ZFAND3: variants seen among roughly 807,000 people sequenced by gnomAD.
The protein encoded by ZFAND3 is zinc finger AN1-type containing 3, also known as AN1-type zinc finger protein 3.
A neutral mutation model predicts 29.6 loss-of-function variants in ZFAND3; 10 were observed. That is an observed-to-expected ratio of 0.34 (90% CI 0.21 to 0.57). ZFAND3 has a LOEUF of 0.57. Among genes scored for constraint, ZFAND3 ranks in the 20% least tolerant of loss-of-function variants. ZFAND3 has a pLI of 0.86. For missense variants in ZFAND3, 230 were observed against 304.5 expected, an observed-to-expected ratio of 0.76 and a Z score of 1.82; for synonymous variants, 128 against 112.6, an observed-to-expected ratio of 1.14 and a Z score of -0.87.
chr6:38,042,131 C>T (rs1278552625), intron 2 of ZFAND3, among the ~76,000 whole-genome samples: 1 of 150,980 alleles, frequency 6.6e-6, no homozygotes, highest in Non-Finnish European at 1.5e-5. Context: ...CACTGCCTGG[C>T]CTAATATATA....
intron 1 of ZFAND3, among the ~76,000 whole-genome samples, chr6:37,873,062 T>A (rs544868603): frequency 2.0e-5 from 3 of 152,126 alleles, no homozygotes; most frequent in African/African-American, 7.2e-5. Context: ...ATCGAGACCA[T>A]CTTGGCTAAC....
intron 5 of ZFAND3, chr6:38,142,131 G>A (rs1028931073): frequency 6.5e-6 from 3 of 462,468 alleles, no homozygotes; most frequent in Non-Finnish European, 1.4e-5. Flanking sequence ...TGCTGTGGAA[G>A]CAGGGTTGAA....
chr6:38,101,344 G>A (rs1226803058), intron 4 of ZFAND3, among the ~76,000 whole-genome samples: 1 of 152,114 alleles, frequency 6.6e-6, no homozygotes, highest in Non-Finnish European at 1.5e-5. Flanking sequence ...ACACAACCCT[G>A]TATAAGGAAC....
intron 5 of ZFAND3, among the ~76,000 whole-genome samples, chr6:38,141,507 T>C (rs193143776): frequency 1.3e-3 from 196 of 152,368 alleles, no homozygotes; most frequent in African/African-American, 4.4e-3. Context: ...ATATAGTCTT[T>C]GTATATTTAA....
At chr6:38,041,689 T>C (rs1158772408) in intron 2 of ZFAND3, among the ~76,000 whole-genome samples, 35 of 24,070 alleles carry the variant, frequency 1.5e-3, no homozygotes, top group East Asian at 7.5e-3. Context: ...CTTCTTCTCC[T>C]TCTCCTTCTC....
At chr6:38,119,729 T>TGAG (rs1034914920) in intron 5 of ZFAND3, among the ~76,000 whole-genome samples, 5 of 152,242 alleles carry the variant, frequency 3.3e-5, no homozygotes, top group Non-Finnish European at 7.3e-5. Context: ...ACACTGCCAG[T>TGAG]GAGGCCTTCT....
rs562840566 is a variant in ZFAND3, at chr6:37,875,433, C to T, written c.72-54526C>T. Reference sequence around the variant, plus strand: ...CAATAATGCATTAGTTGTTGCTGTTCTGTTAATTCATTTTTGTGAAGATCT... The same window carrying T: ...CAATAATGCATTAGTTGTTGCTGTTTTGTTAATTCATTTTTGTGAAGATCT... On this transcript the variant is annotated intron_variant, in intron 1 of 5. Transcript: ENST00000287218. Among the ~76,000 whole-genome samples the T allele has an allele frequency of 8.6e-5, 13 of 151,446 alleles. No homozygotes were observed. In the South Asian group the frequency reaches 2.5e-3, roughly 29 times the overall value.
At chr6:37,968,593 G>A (rs945096973) in intron 2 of ZFAND3, among the ~76,000 whole-genome samples, 16 of 152,010 alleles carry the variant, frequency 1.1e-4, no homozygotes, top group African/African-American at 3.9e-4. Context: ...GTGAGAACTG[G>A]GACAGGGAGT....
chr6:38,118,846 T>C (rs915055851), intron 5 of ZFAND3, among the ~76,000 whole-genome samples: 4 of 152,080 alleles, frequency 2.6e-5, no homozygotes, highest in Non-Finnish European at 5.9e-5. Flanking sequence ...CTGGTAAATA[T>C]AGATTACTCT....
At chr6:38,051,409 T>C (rs1480103179) in intron 2 of ZFAND3, among the ~76,000 whole-genome samples, 10 of 152,232 alleles carry the variant, frequency 6.6e-5, no homozygotes, top group African/African-American at 2.4e-4. Flanking sequence ...GAAGTCTTTA[T>C]GGGACATTTA....
At chr6:38,110,704 A>G (rs973999668) in intron 4 of ZFAND3, among the ~76,000 whole-genome samples, 23 of 152,354 alleles carry the variant, frequency 1.5e-4, no homozygotes, top group African/African-American at 5.5e-4. Context: ...CTGAGATTAA[A>G]CAGATTCATC....
intron 2 of ZFAND3, among the ~76,000 whole-genome samples, chr6:37,999,495 A>T (rs1266063775): frequency 1.3e-5 from 2 of 152,196 alleles, no homozygotes; most frequent in African/African-American, 4.8e-5. Context: ...CAGCCAGGTG[A>T]TCAAGATTAA....
chr6:38,057,427 T>G (rs1225142289), intron 2 of ZFAND3, among the ~76,000 whole-genome samples: 1 of 152,226 alleles, frequency 6.6e-6, no homozygotes, highest in Non-Finnish European at 1.5e-5. Flanking sequence ...AATGAAGAGA[T>G]AACTCTTACT....
Position 38,081,637 on chromosome 6 carries a change from T to C in ZFAND3, c.296-755T>C, listed in dbSNP as rs142618051. Among the ~76,000 whole-genome samples the C allele has an allele frequency of 6.4e-3, 971 of 152,256 alleles. 7 individuals carry two copies. The highest frequency in any genetic ancestry group is 0.031 in the South Asian group (148 of 4,820). On this transcript the variant is annotated intron_variant, in intron 3 of 5. Coordinates refer to ENST00000287218, the MANE Select transcript of ZFAND3 (RefSeq NM_021943.3). Reference sequence around the variant, plus strand: ...CCACTGCCCATCCCAGGGCATGTCATTGGGGAGTGTTGGGGTATGTATCAA... The same window carrying C: ...CCACTGCCCATCCCAGGGCATGTCACTGGGGAGTGTTGGGGTATGTATCAA...
At chr6:37,975,299 T>G (rs1248732444) in intron 2 of ZFAND3, among the ~76,000 whole-genome samples, 2 of 152,206 alleles carry the variant, frequency 1.3e-5, no homozygotes, top group Non-Finnish European at 2.9e-5. Context: ...CGTTGAAATT[T>G]TTTTGCCTAT....
intron 2 of ZFAND3, among the ~76,000 whole-genome samples, chr6:38,046,374 A>G (rs1342073291): frequency 1.3e-5 from 2 of 152,220 alleles, no homozygotes; most frequent in Non-Finnish European, 2.9e-5. Context: ...AGAATGGATA[A>G]CTTCTGCCTC....
chr6:37,915,425 A>G (rs1761228854), intron 1 of ZFAND3: 1 of 152,214 alleles, frequency 6.6e-6, no homozygotes, highest in Non-Finnish European at 1.5e-5. Context: ...GGCTTTCAAC[A>G]TGCCTTTCTC....
intron 5 of ZFAND3, among the ~76,000 whole-genome samples, chr6:38,139,636 G>A (rs1209870022): frequency 1.3e-5 from 2 of 152,322 alleles, no homozygotes; most frequent in Middle Eastern, 3.4e-3. Context: ...TCGTGCTTCA[G>A]TGGGGAAATT....
chr6:37,988,858 C>T (rs1356630055), intron 2 of ZFAND3, among the ~76,000 whole-genome samples: 3 of 152,044 alleles, frequency 2.0e-5, no homozygotes, highest in Non-Finnish European at 2.9e-5. Context: ...TGTGCTTGTT[C>T]GCATGTTTTT....
Sources: gnomAD v4.1 joint callset for allele counts (sites outside exome capture counted in the v4.1 genomes callset) on GRCh38, gnomAD v4.1.1 for gene constraint, MANE v1.5 for transcripts, NCBI Gene and HGNC (gene_info 2026-07-23, HGNC 2026-07-21) for gene names.